Variants in DNAH8 observed in about 807,000 individuals in gnomAD.
The protein encoded by DNAH8 is axonemal beta dynein heavy chain 8.
A neutral mutation model predicts 562.1 loss-of-function variants in DNAH8; 382 were observed. That is an observed-to-expected ratio of 0.68 (90% CI 0.63 to 0.74). The LOEUF is 0.74. Among genes scored for constraint, DNAH8 ranks in the 30% least tolerant of loss-of-function variants. The probability of loss-of-function intolerance (pLI) is 0.00; values close to 1 mark genes in which losing one functional copy is unlikely to be tolerated. For missense variants in DNAH8, 5,203 were observed against 5,620.4 expected, an observed-to-expected ratio of 0.93 and a Z score of 2.37; for synonymous variants, 1,881 against 1,919.4, an observed-to-expected ratio of 0.98 and a Z score of 0.52.
Position 38,754,928 on chromosome 6 carries a change from G to GT in DNAH8, c.1408-1036dup, listed in dbSNP as rs565348555. On this transcript the variant is annotated intron_variant, in intron 9 of 92. Transcript: ENST00000327475. Reference sequence around the variant, plus strand: ...AATTATTAGTTCTCTCCTTGAGGGTGTTTTTTTTGTTTTGTTTTGTTTTTG... The same window carrying GT: ...AATTATTAGTTCTCTCCTTGAGGGTGTTTTTTTTTGTTTTGTTTTGTTTTTG... Among the ~76,000 whole-genome samples the GT allele has an allele frequency of 2.5e-3, 382 of 151,810 alleles. 2 individuals are homozygous for GT. The highest frequency in any genetic ancestry group is 8.3e-3 in the African/African-American group (345 of 41,428).
intron 10 of DNAH8, among the ~76,000 whole-genome samples, 154 bp downstream of exon 10, chr6:38,756,233 A>C (rs886163743): frequency 7.2e-5 from 11 of 152,196 alleles, no homozygotes; most frequent in Admixed American, 2.6e-4. Context: ...GACTGGACTC[A>C]GTTGTACTTA....
intron 71 of DNAH8, among the ~76,000 whole-genome samples, chr6:38,921,940 G>A (rs1377612544): frequency 1.3e-5 from 2 of 152,098 alleles, no homozygotes; most frequent in Non-Finnish European, 1.5e-5. Context: ...GTTGTTCTCT[G>A]GCGGGCAGGG....
chr6:38,721,411 G>GT (rs1231247904), intron 1 of DNAH8, among the ~76,000 whole-genome samples: 4 of 152,138 alleles, frequency 2.6e-5, no homozygotes, highest in African/African-American at 9.7e-5. Context: ...GGAGGCTGAG[G>GT]TGGGAGGGTC....
At chr6:38,774,982 T>C (rs772227121) in intron 12 of DNAH8, among the ~76,000 whole-genome samples, 2 of 152,198 alleles carry the variant, frequency 1.3e-5, no homozygotes, top group South Asian at 2.1e-4. Context: ...GGGATTCATA[T>C]GAATTCTGCT....
chr6:38,919,015 G>C (rs1047406212), intron 70 of DNAH8, among the ~76,000 whole-genome samples: 1 of 151,748 alleles, frequency 6.6e-6, no homozygotes, highest in Non-Finnish European at 1.5e-5. Context: ...AAAGAGAAAT[G>C]ATAGGAAAAA....
rs762341611 is a variant in DNAH8, at chr6:38,898,253, C to T, written c.8941-5C>T. 5.7e-6 allele frequency: 9 copies of T among 1,583,964 alleles called. No homozygotes were observed. The highest frequency in any genetic ancestry group is 6.8e-6 in the Non-Finnish European group (8 of 1,169,900). Reference sequence around the variant, plus strand: ...TTATTTTTTTATCTTTCTCTCCACCCATAGATGCCATCCTTTGACTTTCTG... The same window carrying T: ...TTATTTTTTTATCTTTCTCTCCACCTATAGATGCCATCCTTTGACTTTCTG... On this transcript the variant is annotated splice_region_variant and splice_polypyrimidine_tract_variant and intron_variant, in intron 60 of 92. Coordinates refer to ENST00000327475, the MANE Select transcript of DNAH8 (RefSeq NM_001206927.2).
Position 38,929,676 on chromosome 6 carries a change from G to GAAA in DNAH8, c.11274+10_11274+11insAAA, listed in dbSNP as rs1782390801. On this transcript the variant is annotated intron_variant, in intron 75 of 92. Coordinates refer to ENST00000327475, the MANE Select transcript of DNAH8 (RefSeq NM_001206927.2). ...TGGCACCACTTTCAAGGTGAGCTTT[G>GAAA]TAAAAAAAAAAAAAAAGAAAGAAAG... 3 of 990,470 alleles carry GAAA rather than the reference G, an allele frequency of 3.0e-6. No individual in the cohort carries two copies. The highest frequency in any genetic ancestry group is 5.6e-5 in the South Asian group (2 of 36,026). The allele number at this position is 990,470 out of a possible 1,614,324, so 61.4% of individuals were successfully genotyped here. A position where few individuals can be genotyped will look rare whatever the true frequency, so the allele number is the denominator to read the frequency against.
intron 79 of DNAH8, among the ~76,000 whole-genome samples, chr6:38,943,678 T>C (rs1412728248): frequency 6.6e-6 from 1 of 152,212 alleles, no homozygotes; most frequent in African/African-American, 2.4e-5. Context: ...CTTTCTTTTG[T>C]CATAGACTCT....
At chr6:38,963,264 T>C (rs1004020602) in intron 82 of DNAH8, among the ~76,000 whole-genome samples, 4 of 64,438 alleles carry the variant, frequency 6.2e-5, no homozygotes, top group Admixed American at 1.8e-4. Context: ...TTTTTTTTTT[T>C]TTTTTTTTTT....
chr6:38,722,276 A>AGAAT (rs948843889), intron 1 of DNAH8, among the ~76,000 whole-genome samples: 5 of 152,234 alleles, frequency 3.3e-5, no homozygotes, highest in Non-Finnish European at 5.9e-5. Flanking sequence ...GGCAGACAGT[A>AGAAT]GAATGTCTGA....
intron 81 of DNAH8, 136 bp from the exon 82 acceptor site, chr6:38,951,182 T>G: frequency 1.4e-6 from 1 of 740,414 alleles, no homozygotes; most frequent in Non-Finnish European, 2.2e-6. Flanking sequence ...ACCTTGCCAT[T>G]CCTCTTACTT....
intron 35 of DNAH8, among the ~76,000 whole-genome samples, chr6:38,844,454 A>T (rs1023497771): frequency 1.3e-5 from 2 of 152,186 alleles, no homozygotes; most frequent in East Asian, 3.9e-4. Flanking sequence ...CTTTTTAACA[A>T]CATGTGTGCA....
chr6:39,030,136 A>T lies in DNAH8; in HGVS notation c.13868A>T (p.Asp4623Val). The change falls in exon 93 of 93, where the codon GAT becomes GTT. Residue 4623 changes from aspartate (D) to valine (V), a missense_variant. This residue lies in a region of DNAH8 where 1,399 missense variants were observed against 1,518.4 expected (regional missense o/e 0.92). Transcript: ENST00000327475. Reference sequence around the variant, plus strand: ...GTGTATATTTATGGGCTCTACATGGATGGAGCAGCCTGGGACAGACGGAAT... The same window carrying T: ...GTGTATATTTATGGGCTCTACATGGTTGGAGCAGCCTGGGACAGACGGAAT... ...EGVYIYGLYM[D>V]GAAWDRRNGK... is the part of the protein sequence containing the mutation. 6.8e-6 allele frequency: 11 copies of T among 1,613,904 alleles called. No individual in the cohort carries two copies. The highest frequency in any genetic ancestry group is 9.3e-6 in the Non-Finnish European group (11 of 1,179,964).
At chr6:38,843,455 A>T (rs1371751885) in intron 35 of DNAH8, among the ~76,000 whole-genome samples, 1 of 152,030 alleles carries the variant, frequency 6.6e-6, no homozygotes, top group Non-Finnish European at 1.5e-5. Context: ...AAATCTATAG[A>T]TTTATAGATG....
chr6:38,788,504 T>G (rs1335515757), intron 18 of DNAH8, among the ~76,000 whole-genome samples: 1 of 152,218 alleles, frequency 6.6e-6, no homozygotes, highest in Admixed American at 6.5e-5. Flanking sequence ...TGGTATCTCC[T>G]TTTGATTTTG....
At chr6:38,806,052 G>T (rs1487975632) in intron 23 of DNAH8, among the ~76,000 whole-genome samples, 1 of 152,186 alleles carries the variant, frequency 6.6e-6, no homozygotes, top group Non-Finnish European at 1.5e-5. Flanking sequence ...AGAAGCCCTA[G>T]ATAGGCAGAT....
chr6:38,956,416 A>G (rs1029942255), intron 82 of DNAH8, among the ~76,000 whole-genome samples: 1 of 152,222 alleles, frequency 6.6e-6, no homozygotes, highest in Admixed American at 6.5e-5. Context: ...CTCCTGCTGT[A>G]GTCAGGAAAC....
At chr6:38,773,626 G>A (rs1049593723) in intron 12 of DNAH8, among the ~76,000 whole-genome samples, 1 of 152,170 alleles carries the variant, frequency 6.6e-6, no homozygotes, top group East Asian at 1.9e-4. Context: ...TGCTAAGAAC[G>A]ACAGACCGGC....
chr6:39,021,653 A>G (rs1236661418), intron 91 of DNAH8, among the ~76,000 whole-genome samples: 1 of 152,254 alleles, frequency 6.6e-6, no homozygotes, highest in African/African-American at 2.4e-5. Context: ...ATTTGGGGGA[A>G]AAACTGCCTG....
Sources: gnomAD v4.1 joint callset for allele counts (sites outside exome capture counted in the v4.1 genomes callset) on GRCh38, gnomAD v4.1.1 for gene constraint, gnomAD v4.1.1 regional missense constraint, MANE v1.5 for transcripts, NCBI Gene and HGNC (gene_info 2026-07-23, HGNC 2026-07-21) for gene names.